Variants in RGS17 observed in about 807,000 individuals in gnomAD.
RGS17 encodes regulator of G protein signaling 17.
In RGS17, 12 loss-of-function variants were observed where a neutral mutation model predicts 25.5. That is an observed-to-expected ratio of 0.47 (90% CI 0.30 to 0.76). RGS17 has a LOEUF of 0.76. RGS17 is among the 30% of genes least tolerant of loss of function. The pLI is 0.07. For synonymous variants in RGS17, 71 were observed against 76.9 expected (o/e 0.92, Z 0.40); for missense variants, 196 against 242.2 (o/e 0.81, Z 1.27).
In RGS17 at chr6:153,011,575, T is replaced by C; in HGVS notation, c.632A>G (p.Ter211=). 1 of 1,593,446 alleles carries C rather than the reference T, an allele frequency of 6.3e-7. No homozygotes were observed. Among genetic ancestry groups the C allele is most frequent in the Non-Finnish European group, 8.6e-7 (1 of 1,166,154 alleles). ...AAAATGATTGTTTTTAAATGAACATTAAGATTCAGAAGAAGAGCCAGCAGT... is the reference window on the plus strand; with the variant it reads ...AAAATGATTGTTTTTAAATGAACATCAAGATTCAGAAGAAGAGCCAGCAGT... ...ESTAGSSSES[*] Residue 211 remains the stop codon, a stop_retained_variant, in exon 5 of 5, where the codon TAA becomes TGA. Transcript: ENST00000206262.
At position 153,105,932 on chromosome 6, in the gene RGS17, C is replaced by A. The variant is rs1385213842; in HGVS notation, c.-26+25192G>T. On this transcript the variant is annotated intron_variant, in intron 1 of 4. Coordinates refer to ENST00000206262, the MANE Select transcript of RGS17 (RefSeq NM_012419.5). ...CAGGAGTCTCATGTGAACACTTTGG[C>A]ACCTGCATGGAAGAGAAGTGGAGCG... is the stretch of plus-strand genomic sequence containing the variant. Among the ~76,000 whole-genome samples, 6 of 152,124 alleles carry A rather than the reference C, an allele frequency of 3.9e-5. No homozygotes were observed. In the South Asian group the frequency reaches 1.0e-3, roughly 26 times the overall value.
In RGS17 at chr6:153,009,420, AAAATT is replaced by A. The variant is rs1366271655; in HGVS notation, c.*2149_*2153del. 6.6e-6 allele frequency: 1 copy of A among 152,064 alleles called. No individual in the cohort carries two copies. 9.4% of individuals were successfully genotyped at this position (152,064 alleles called of 1,614,324 possible). A position where few individuals can be genotyped will look rare whatever the true frequency, so the allele number is the denominator to read the frequency against. On this transcript the variant is annotated 3_prime_UTR_variant, in exon 5 of 5. Transcript: ENST00000206262. ...AATAAACTCAATTCTAAGCAAGAAAAAAATTAAATAATTTAGGAACAATAGAACTT... is the reference window on the plus strand; with the variant it reads ...AATAAACTCAATTCTAAGCAAGAAAAAAATAATTTAGGAACAATAGAACTT...
chr6:153,096,018 G>T (rs1048534139), intron 1 of RGS17, among the ~76,000 whole-genome samples: 2 of 152,202 alleles, frequency 1.3e-5, no homozygotes, highest in African/African-American at 4.8e-5. Context: ...AGTCTTGTGG[G>T]AAGAAAGATC....
chr6:153,011,089 CA>C lies in RGS17; in HGVS notation c.*484del, dbSNP rs967828294. The C allele has an allele frequency of 6.5e-6, 1 of 154,642 alleles. No individual in the cohort carries two copies. The highest frequency in any genetic ancestry group is 2.4e-5 in the African/African-American group (1 of 41,524). The allele number at this position is 154,642 out of a possible 1,614,324, so 9.6% of individuals were successfully genotyped here. On this transcript the variant is annotated 3_prime_UTR_variant, in exon 5 of 5. Transcript: ENST00000206262. Reference sequence around the variant, plus strand: ...TATAGAATGTTGAATACCATTGTTACATAGTAAAAATTGCTTTTTTTCTGTC... The same window carrying C: ...TATAGAATGTTGAATACCATTGTTACTAGTAAAAATTGCTTTTTTTCTGTC...
intron 2 of RGS17, among the ~76,000 whole-genome samples, chr6:153,042,670 T>C (rs777692225): frequency 1.1e-4 from 17 of 152,206 alleles, no homozygotes; most frequent in Non-Finnish European, 2.1e-4. Context: ...TGGGAAGCAA[T>C]ATTGATATCT....
chr6:153,066,908 T>C (rs1317755035), intron 1 of RGS17, among the ~76,000 whole-genome samples: 1 of 151,696 alleles, frequency 6.6e-6, no homozygotes, highest in African/African-American at 2.4e-5. Flanking sequence ...GGCGTGGTGG[T>C]GGGCACCTGT....
chr6:153,067,134 C>CA (rs1032233393), intron 1 of RGS17, among the ~76,000 whole-genome samples: 1 of 151,910 alleles, frequency 6.6e-6, no homozygotes, highest in South Asian at 2.1e-4. Context: ...TAAAAACCCT[C>CA]AAAAAACCGG....
At position 153,091,970 on chromosome 6, in the gene RGS17, T is replaced by C. The variant is rs73785740; in HGVS notation, c.-26+39154A>G. Reference sequence around the variant, plus strand: ...TAGATCAAGCCACGAGCTTTTTAGATAAAACAGAAAAAAATTCCCACCTTT... The same window carrying C: ...TAGATCAAGCCACGAGCTTTTTAGACAAAACAGAAAAAAATTCCCACCTTT... On this transcript the variant is annotated intron_variant, in intron 1 of 4. Coordinates refer to ENST00000206262, the MANE Select transcript of RGS17 (RefSeq NM_012419.5). Among the ~76,000 whole-genome samples, 686 of 152,236 alleles carry C rather than the reference T, an allele frequency of 4.5e-3. 3 individuals are homozygous for C. The highest frequency in any genetic ancestry group is 0.015 in the African/African-American group (607 of 41,550).
In RGS17 at chr6:153,131,275, A is replaced by AG. The variant is rs1281480481; in HGVS notation, c.-178dup. ...AGGGAGAGCGGCGAGGATGCAGAGG[A>AG]GGGGGAGGGGGAGGAGGGAGCGGTG... On this transcript the variant is annotated 5_prime_UTR_variant, in exon 1 of 5. Transcript: ENST00000206262. 1 of 20,516 alleles carries AG rather than the reference A, an allele frequency of 4.9e-5. No individual in the cohort carries two copies. Among genetic ancestry groups the AG allele is most frequent in the Non-Finnish European group, 1.1e-4 (1 of 9,108 alleles). The allele number at this position is 20,516 out of a possible 1,614,324, so 1.3% of individuals were successfully genotyped here. A position where few individuals can be genotyped will look rare whatever the true frequency, so the allele number is the denominator to read the frequency against.
chr6:153,026,804 T>A (rs1779307670), intron 2 of RGS17, among the ~76,000 whole-genome samples: 1 of 152,134 alleles, frequency 6.6e-6, no homozygotes, highest in South Asian at 2.1e-4. Flanking sequence ...CATCCTTACA[T>A]AATCTGAATT....
At chr6:153,054,504 A>ACC in intron 1 of RGS17, among the ~76,000 whole-genome samples, 2 of 151,906 alleles carry the variant, frequency 1.3e-5, no homozygotes, top group Middle Eastern at 6.8e-3. Flanking sequence ...TACAAAAATT[A>ACC]GCCAGGCATG....
At chr6:153,087,275 A>AAAAC (rs746006873) in intron 1 of RGS17, among the ~76,000 whole-genome samples, 19 of 152,158 alleles carry the variant, frequency 1.2e-4, no homozygotes, top group Admixed American at 3.9e-4. Context: ...GACTCCGTCT[A>AAAAC]AAACAAACAA....
In RGS17 at chr6:153,024,432, G is replaced by C. The variant is rs1219897637; in HGVS notation, c.274C>G (p.Pro92Ala). The change falls in exon 4 of 5, where the codon CCA becomes GCA. Residue 92 changes from proline (P) to alanine (A), a missense_variant. By Grantham distance (27) the Pro-to-Ala change is conservative. Around this residue, in one of 2 missense-constraint regions of RGS17, gnomAD observed 179 missense variants for 197.6 expected, o/e 0.91. Coordinates refer to ENST00000206262, the MANE Select transcript of RGS17 (RefSeq NM_012419.5). The stretch of plus-strand genomic sequence containing the variant: ...TCTCTGAAAAGGTTTCTTCCTGCTG[G>C]GGCCTTCATCATCTTGTCAAAATTT... ...SQNFDKMMKA[P>A]AGRNLFREFL... is the part of the protein sequence containing the mutation. 1.9e-6 allele frequency: 3 copies of C among 1,614,070 alleles called. No homozygotes were observed. The highest frequency in any genetic ancestry group is 2.2e-5 in the South Asian group (2 of 91,076).
In RGS17 at chr6:153,007,745, C is replaced by G. The variant is rs1348330475; in HGVS notation, c.*3829G>C. 1 of 152,132 alleles carries G rather than the reference C, an allele frequency of 6.6e-6. No individual in the cohort carries two copies. Among genetic ancestry groups the G allele is most frequent in the Admixed American group, 6.6e-5 (1 of 15,254 alleles). 9.4% of individuals were successfully genotyped at this position (152,132 alleles called of 1,614,324 possible). A position where few individuals can be genotyped will look rare whatever the true frequency, so the allele number is the denominator to read the frequency against. ...TAGCCGGGATTAAAGGCACCCACCA[C>G]CATGCCCGGCTAATTTTGTATTTTT... is the stretch of plus-strand genomic sequence containing the variant. On this transcript the variant is annotated 3_prime_UTR_variant, in exon 5 of 5. Transcript: ENST00000206262.
At chr6:153,066,016 C>T (rs1008738010) in intron 1 of RGS17, among the ~76,000 whole-genome samples, 1 of 151,566 alleles carries the variant, frequency 6.6e-6, no homozygotes, top group Non-Finnish European at 1.5e-5. Flanking sequence ...AAAAGTTAAA[C>T]AAAATAGGAA....
intron 1 of RGS17, among the ~76,000 whole-genome samples, chr6:153,126,151 C>T (rs906627056): frequency 1.3e-5 from 2 of 152,194 alleles, no homozygotes; most frequent in Non-Finnish European, 2.9e-5. Flanking sequence ...CTGACTCATT[C>T]TGATGAGAAA....
chr6:153,004,749 G>T lies in RGS17; in HGVS notation c.*6825C>A, dbSNP rs1779055773. 6.6e-6 allele frequency: 1 copy of T among 152,132 alleles called. No homozygotes were observed. The highest frequency in any genetic ancestry group is 1.9e-4 in the East Asian group (1 of 5,176). 9.4% of individuals were successfully genotyped at this position (152,132 alleles called of 1,614,324 possible). On this transcript the variant is annotated 3_prime_UTR_variant, in exon 5 of 5. Transcript: ENST00000206262. ...CTAGGAAGGGGGAAAAAAAAACCCA[G>T]AAAAACTTAAATTGGAGGAAACATA...
At chr6:153,101,247 A>T (rs1411627985) in intron 1 of RGS17, among the ~76,000 whole-genome samples, 2 of 152,166 alleles carry the variant, frequency 1.3e-5, no homozygotes, top group Admixed American at 6.5e-5. Context: ...CCACTTATAC[A>T]CAGTTTTATT....
intron 1 of RGS17, among the ~76,000 whole-genome samples, chr6:153,046,745 G>A (rs1776388673): frequency 6.6e-6 from 1 of 151,908 alleles, no homozygotes; most frequent in South Asian, 2.1e-4. Flanking sequence ...ACATTGAAAG[G>A]CCCCAATATA....
Sources: allele counts gnomAD v4.1 joint callset (sites outside exome capture counted in the v4.1 genomes callset), GRCh38; gene constraint gnomAD v4.1.1; regional missense constraint gnomAD v4.1.1; transcripts MANE v1.5; gene names NCBI Gene and HGNC (gene_info 2026-07-23, HGNC 2026-07-21).